Variants in PEBP4 observed in about 807,000 individuals in gnomAD.
The protein encoded by PEBP4 is phosphatidylethanolamine-binding protein 4.
A neutral mutation model predicts 23.9 loss-of-function variants in PEBP4; 22 were observed. The observed-to-expected ratio is 0.92, with a 90% CI of 0.66 to 1.31. The LOEUF (loss-of-function observed/expected upper bound fraction) is 1.31, where lower values mean the gene tolerates loss of function less well. Among genes scored for constraint, PEBP4 ranks in the 40% most tolerant of loss-of-function variants. The pLI, the probability that PEBP4 is intolerant of heterozygous loss-of-function variation, is 0.00. For synonymous variants in PEBP4, 112 were observed against 99.3 expected, an observed-to-expected ratio of 1.13 and a Z score of -0.76; for missense variants, 324 against 281.7, an observed-to-expected ratio of 1.15 and a Z score of -1.07.
chr8:22,808,170 C>T (rs561594787), intron 4 of PEBP4, among the ~76,000 whole-genome samples: 1 of 151,852 alleles, frequency 6.6e-6, no homozygotes, highest in East Asian at 1.9e-4. Context: ...TCTATCCATG[C>T]ATCTGTCCAT....
chr8:22,853,845 G>A (rs1471011281), intron 3 of PEBP4, among the ~76,000 whole-genome samples: 1 of 152,208 alleles, frequency 6.6e-6, no homozygotes, highest in Non-Finnish European at 1.5e-5. Flanking sequence ...AGGAGGAGTT[G>A]GGATCTGCAG....
chr8:22,870,496 A>G (rs1309867067), intron 3 of PEBP4, among the ~76,000 whole-genome samples: 1 of 152,232 alleles, frequency 6.6e-6, no homozygotes, highest in Non-Finnish European at 1.5e-5. Flanking sequence ...TCTGTATGAT[A>G]TTACAATTGT....
intron 2 of PEBP4, among the ~76,000 whole-genome samples, chr8:22,923,914 G>C (rs1420925150): frequency 6.6e-6 from 1 of 152,174 alleles, no homozygotes; most frequent in Non-Finnish European, 1.5e-5. Flanking sequence ...CCAGAGTTGT[G>C]AGTAATACAT....
chr8:22,894,759 C>T (rs531071690), intron 3 of PEBP4, among the ~76,000 whole-genome samples: 103 of 152,282 alleles, frequency 6.8e-4, no homozygotes, highest in African/African-American at 2.3e-3. Context: ...AAGTTAAGTT[C>T]ACAGCCTCAT....
chr8:22,858,222 G>A (rs578068707), intron 3 of PEBP4, among the ~76,000 whole-genome samples: 1 of 151,734 alleles, frequency 6.6e-6, no homozygotes, highest in Non-Finnish European at 1.5e-5. Context: ...TCAGCTTCCT[G>A]CATTTCTTCT....
chr8:22,924,293 G>A (rs1311278952), intron 2 of PEBP4, among the ~76,000 whole-genome samples: 1 of 152,184 alleles, frequency 6.6e-6, no homozygotes. Flanking sequence ...GAGCCCAGGT[G>A]TTCAAGGCTG....
At chr8:22,784,581 G>GC (rs1805991717) in intron 4 of PEBP4, among the ~76,000 whole-genome samples, 1 of 152,234 alleles carries the variant, frequency 6.6e-6, no homozygotes, top group Non-Finnish European at 1.5e-5. Flanking sequence ...GGTGCTGCGA[G>GC]CCGGGAGCCT....
At chr8:22,860,302 G>A (rs567887096) in intron 3 of PEBP4, among the ~76,000 whole-genome samples, 1 of 150,292 alleles carries the variant, frequency 6.7e-6, no homozygotes, top group Non-Finnish European at 1.5e-5. Context: ...TAGTCTTAAG[G>A]ACATTCACGT....
At chr8:22,871,031 G>A (rs1191037453) in intron 3 of PEBP4, among the ~76,000 whole-genome samples, 2 of 152,152 alleles carry the variant, frequency 1.3e-5, no homozygotes, top group Non-Finnish European at 2.9e-5. Context: ...ATAAAAGAAA[G>A]ACTTCCTATT....
intron 3 of PEBP4, among the ~76,000 whole-genome samples, chr8:22,824,199 T>C (rs1227890033): frequency 6.6e-6 from 1 of 152,258 alleles, no homozygotes; most frequent in African/African-American, 2.4e-5. Flanking sequence ...TTGTAGTTTT[T>C]TGCATTTCCC....
chr8:22,937,071 A>G (rs1809550886), intron 1 of PEBP4, among the ~76,000 whole-genome samples: 1 of 152,226 alleles, frequency 6.6e-6, no homozygotes, highest in Admixed American at 6.5e-5. Context: ...ACTCTTATTC[A>G]ACATATATAG....
intron 4 of PEBP4, among the ~76,000 whole-genome samples, chr8:22,788,652 C>T (rs978101762): frequency 6.6e-6 from 1 of 152,292 alleles, no homozygotes; most frequent in Non-Finnish European, 1.5e-5. Flanking sequence ...ATATGACTGT[C>T]CTGATGGTTA....
chr8:22,838,750 C>T (rs1227198372), intron 3 of PEBP4, among the ~76,000 whole-genome samples: 3 of 152,250 alleles, frequency 2.0e-5, no homozygotes, highest in African/African-American at 7.2e-5. Context: ...CGGCCTAAGC[C>T]GCCGCAGTCG....
intron 4 of PEBP4, among the ~76,000 whole-genome samples, chr8:22,743,881 G>A (rs369821424): frequency 1.1e-4 from 16 of 152,286 alleles, no homozygotes; most frequent in African/African-American, 3.9e-4. Context: ...GGGCTGGCCC[G>A]CTGAATCACC....
At chr8:22,787,790 C>T (rs538989199) in intron 4 of PEBP4, among the ~76,000 whole-genome samples, 228 of 152,218 alleles carry the variant, frequency 1.5e-3, no homozygotes, top group Non-Finnish European at 2.3e-3. Flanking sequence ...GTGGGAGTTT[C>T]CTAGGTGAGA....
chr8:22,767,027 G>T (rs1234685697), intron 4 of PEBP4, among the ~76,000 whole-genome samples: 1 of 152,250 alleles, frequency 6.6e-6, no homozygotes, highest in African/African-American at 2.4e-5. Flanking sequence ...CTGCAGAAGT[G>T]CCTGGGTGAG....
chr8:22,881,344 T>C (rs1808254760), intron 3 of PEBP4, among the ~76,000 whole-genome samples: 1 of 152,210 alleles, frequency 6.6e-6, no homozygotes, highest in African/African-American at 2.4e-5. Flanking sequence ...CCTTTCCAAG[T>C]GTCCAAGGCT....
intron 3 of PEBP4, among the ~76,000 whole-genome samples, chr8:22,860,710 C>A (rs1807762360): frequency 6.6e-6 from 1 of 152,228 alleles, no homozygotes; most frequent in African/African-American, 2.4e-5. Flanking sequence ...TTCCTCAAGA[C>A]CCTCCGTTAC....
At chr8:22,887,553 C>G (rs60839773) in intron 3 of PEBP4, 3 of 140 alleles carry the variant, frequency 0.021, no homozygotes, top group Non-Finnish European at 0.028. Context: ...ATTCCTTGAG[C>G]CCAGGAGTTG....
Sources: allele counts gnomAD v4.1 joint callset (sites outside exome capture counted in the v4.1 genomes callset), GRCh38; gene constraint gnomAD v4.1.1; transcripts MANE v1.5; gene names NCBI Gene and HGNC (gene_info 2026-07-23, HGNC 2026-07-21).